Variants in PEX5L observed in about 807,000 individuals in gnomAD.
The protein encoded by PEX5L is peroxisomal biogenesis factor 5 like, also known as PEX5-related protein.
Under a neutral mutation model 84.0 loss-of-function variants are expected in PEX5L, and 30 were observed. The observed-to-expected ratio is 0.36, with a 90% CI of 0.27 to 0.48. The LOEUF (loss-of-function observed/expected upper bound fraction) is 0.48, where lower values mean the gene tolerates loss of function less well. PEX5L is among the 20% of genes least tolerant of loss of function. The pLI, the probability that PEX5L is intolerant of heterozygous loss-of-function variation, is 0.99. For missense variants in PEX5L, 533 were observed against 754.6 expected (o/e 0.71, Z 3.44); for synonymous variants, 270 against 283.1 (o/e 0.95, Z 0.46).
At chr3:179,890,145 T>C (rs1033092986) in intron 3 of PEX5L, among the ~76,000 whole-genome samples, 11 of 152,198 alleles carry the variant, frequency 7.2e-5, no homozygotes, top group African/African-American at 2.4e-4. Flanking sequence ...CTTAATGTAA[T>C]GAACTCATCT....
chr3:180,004,461 C>T (rs1228457425), intron 1 of PEX5L, among the ~76,000 whole-genome samples: 1 of 152,100 alleles, frequency 6.6e-6, no homozygotes, highest in Non-Finnish European at 1.5e-5. Context: ...TCACAAAGTA[C>T]TGAAAAAATG....
intron 7 of PEX5L, among the ~76,000 whole-genome samples, chr3:179,864,415 T>C (rs1747392071): frequency 6.6e-6 from 1 of 152,034 alleles, no homozygotes; most frequent in Non-Finnish European, 1.5e-5. Context: ...GTGTGTTAAG[T>C]GAAATATGCC....
intron 2 of PEX5L, among the ~76,000 whole-genome samples, chr3:179,940,185 T>G (rs1308270438): frequency 6.6e-6 from 1 of 151,962 alleles, no homozygotes. Flanking sequence ...GAGCCTGGAC[T>G]TTGCAGACAG....
chr3:179,829,887 C>T (rs1483002118), intron 8 of PEX5L, among the ~76,000 whole-genome samples: 1 of 150,160 alleles, frequency 6.7e-6, no homozygotes, highest in African/African-American at 2.5e-5. Context: ...GGCGATTCTC[C>T]TGCCTCAACC....
rs1560166909 is a variant in PEX5L at position 179,807,817 on chromosome 3, C to T, written c.1533G>A (p.Trp511Ter). Reference protein sequence around the residue: ...LTVRPEDYSLWNRLGATLANG... With the variant: ...LTVRPEDYSL ...TCGCCAAGGTCGCCCCGAGGCGGTT[C>T]CATAGTGAATAGTCCTGATGACAAA... is the stretch of plus-strand genomic sequence containing the variant. Residue 511 changes from tryptophan to a stop codon, truncating the protein, a stop_gained, in exon 14 of 15, where the codon TGG becomes TGA. Coordinates refer to ENST00000467460, the MANE Select transcript of PEX5L (RefSeq NM_016559.3). LOFTEE classifies it high-confidence loss of function. 6.2e-7 allele frequency: 1 copy of T among 1,613,662 alleles called. No homozygotes were observed. Among genetic ancestry groups the T allele is most frequent in the African/African-American group, 1.3e-5 (1 of 75,056 alleles).
At chr3:179,832,593 CACCCACCTACCT>C (rs1733520571) in intron 8 of PEX5L, among the ~76,000 whole-genome samples, 1 of 147,030 alleles carries the variant, frequency 6.8e-6, no homozygotes, top group Admixed American at 6.8e-5. Flanking sequence ...CCTACTTACC[CACCCACCTACCT>C]ACCCACCTAC....
intron 8 of PEX5L, among the ~76,000 whole-genome samples, chr3:179,828,663 A>ATGTG (rs111516926): frequency 1.3e-3 from 189 of 146,438 alleles, no homozygotes; most frequent in African/African-American, 3.0e-3. Context: ...AACTATGTGT[A>ATGTG]TGTGTGTGTG....
At chr3:179,949,265 A>C (rs1218284921) in intron 2 of PEX5L, among the ~76,000 whole-genome samples, 1 of 152,226 alleles carries the variant, frequency 6.6e-6, no homozygotes, top group African/African-American at 2.4e-5. Context: ...TCCAGCATCC[A>C]GAGAAAATTA....
intron 8 of PEX5L, among the ~76,000 whole-genome samples, chr3:179,848,532 G>A (rs1314884294): frequency 1.4e-5 from 2 of 139,944 alleles, no homozygotes; most frequent in Non-Finnish European, 3.0e-5. Context: ...CAGCCTCAGT[G>A]CCAGAGTGAA....
chr3:179,942,400 C>A (rs1398912739), intron 2 of PEX5L, among the ~76,000 whole-genome samples: 1 of 152,232 alleles, frequency 6.6e-6, no homozygotes, highest in Admixed American at 6.5e-5. Context: ...GTTGCCAGAG[C>A]AATGACAACA....
At chr3:179,939,898 C>A (rs966152773) in intron 2 of PEX5L, among the ~76,000 whole-genome samples, 2 of 152,028 alleles carry the variant, frequency 1.3e-5, no homozygotes, top group Non-Finnish European at 2.9e-5. Context: ...GAGTTGGTAT[C>A]ATTTTGATCA....
At chr3:179,936,146 C>A (rs1035374752) in intron 2 of PEX5L, among the ~76,000 whole-genome samples, 1 of 152,016 alleles carries the variant, frequency 6.6e-6, no homozygotes, top group Admixed American at 6.6e-5. Flanking sequence ...GTGTTTCTGT[C>A]GGTGTGGGTA....
intron 2 of PEX5L, among the ~76,000 whole-genome samples, chr3:179,942,571 C>G (rs1358336599): frequency 2.6e-5 from 4 of 152,248 alleles, no homozygotes; most frequent in Non-Finnish European, 1.5e-5. Context: ...CACCTCCCTC[C>G]CACTGCACCC....
At position 179,796,221 on chromosome 3, in the gene PEX5L, T is replaced by C. The variant is rs1473552698; in HGVS notation, c.*5607A>G. 6.7e-6 allele frequency: 1 copy of C among 148,394 alleles called. No homozygotes were observed. The highest frequency in any genetic ancestry group is 2.4e-5 in the African/African-American group (1 of 41,188). The allele number at this position is 148,394 out of a possible 1,614,324, so 9.2% of individuals were successfully genotyped here. A position where few individuals can be genotyped will look rare whatever the true frequency, so the allele number is the denominator to read the frequency against. Reference sequence around the variant, plus strand: ...CAATGAATGATACACATTTTATAGTTGAGCAAAGAACTGCCTAATTGTTGT... The same window carrying C: ...CAATGAATGATACACATTTTATAGTCGAGCAAAGAACTGCCTAATTGTTGT... On this transcript the variant is annotated 3_prime_UTR_variant, in exon 15 of 15. Coordinates refer to ENST00000467460, the MANE Select transcript of PEX5L (RefSeq NM_016559.3).
intron 1 of PEX5L, among the ~76,000 whole-genome samples, chr3:179,998,078 C>T (rs765685824): frequency 1.3e-5 from 2 of 152,194 alleles, no homozygotes; most frequent in African/African-American, 2.4e-5. Flanking sequence ...TTGTGTGCCA[C>T]AGGATGGGAA....
At chr3:179,965,234 A>G (rs1018092217) in intron 2 of PEX5L, among the ~76,000 whole-genome samples, 1 of 152,212 alleles carries the variant, frequency 6.6e-6, no homozygotes. Flanking sequence ...TACCACAACC[A>G]TCTCCAACTC....
At chr3:180,002,698 C>T (rs1307920951) in intron 1 of PEX5L, among the ~76,000 whole-genome samples, 1 of 151,962 alleles carries the variant, frequency 6.6e-6, no homozygotes, top group Non-Finnish European at 1.5e-5. Context: ...ATTAATTTTT[C>T]CATCAAGAAA....
chr3:179,929,119 G>A (rs1326810036), intron 2 of PEX5L, among the ~76,000 whole-genome samples: 1 of 152,104 alleles, frequency 6.6e-6, no homozygotes, highest in Non-Finnish European at 1.5e-5. Flanking sequence ...AAAAGTACCG[G>A]CAAGGATTAC....
chr3:179,995,395 T>C (rs570850796), intron 1 of PEX5L, among the ~76,000 whole-genome samples: 1 of 152,040 alleles, frequency 6.6e-6, no homozygotes, highest in South Asian at 2.1e-4. Context: ...GGCTGCTTAA[T>C]ATGATTAGAC....
Sources: allele counts gnomAD v4.1 joint callset (sites outside exome capture counted in the v4.1 genomes callset), GRCh38; gene constraint gnomAD v4.1.1; transcripts MANE v1.5; gene names NCBI Gene and HGNC (gene_info 2026-07-23, HGNC 2026-07-21).